Variants in CYBRD1 observed in about 807,000 individuals in gnomAD.
CYBRD1 encodes plasma membrane ascorbate-dependent reductase CYBRD1.
In CYBRD1, 14 loss-of-function variants were observed where a neutral mutation model predicts 21.9. That is an observed-to-expected ratio of 0.64 (90% confidence interval 0.42 to 1.00). The LOEUF (loss-of-function observed/expected upper bound fraction) is 1.00. CYBRD1 is among the 50% of genes least tolerant of loss of function. The probability of loss-of-function intolerance (pLI) is 0.00; values close to 1 mark genes in which losing one functional copy is unlikely to be tolerated. For synonymous variants in CYBRD1, 146 were observed against 136.5 expected (o/e 1.07, Z -0.48); for missense variants, 328 against 352.5 (o/e 0.93, Z 0.56).
At position 171,522,648 on chromosome 2, in the gene CYBRD1, C is replaced by A; in HGVS notation, c.103C>A (p.Arg35=). The A allele has an allele frequency of 6.2e-7, 1 of 1,613,488 alleles. No individual in the cohort carries two copies. The highest frequency in any genetic ancestry group is 8.5e-7 in the Non-Finnish European group (1 of 1,179,904). The stretch of plus-strand genomic sequence containing the variant: ...CGCCCTCGTCTGGGTCCTCCACTAC[C>A]GAGAGGGGCTTGGCTGGGATGGGAG... ...IFALVWVLHY[R]EGLGWDGSAL... The change falls in exon 1 of 4, where the codon CGA becomes AGA. Residue 35 remains arginine, a synonymous_variant. Coordinates refer to ENST00000321348, the MANE Select transcript of CYBRD1 (RefSeq NM_024843.4). The surrounding 1 kb of genome is among the most constrained non-coding windows in gnomAD (Gnocchi z 4.3).
intron 1 of CYBRD1, among the ~76,000 whole-genome samples, chr2:171,530,369 G>T (rs1272480382): frequency 1.3e-5 from 2 of 152,218 alleles, no homozygotes; most frequent in Non-Finnish European, 2.9e-5. Flanking sequence ...GGTATTTACA[G>T]ATTTTTCATT....
At chr2:171,526,267 GAA>G (rs201655626) in intron 1 of CYBRD1, among the ~76,000 whole-genome samples, 1 of 150,114 alleles carries the variant, frequency 6.7e-6, no homozygotes, top group Non-Finnish European at 1.5e-5. Flanking sequence ...ATTCTGTCTC[GAA>G]AAAAAAAGAG....
chr2:171,531,727 G>A (rs575573091), intron 1 of CYBRD1, among the ~76,000 whole-genome samples: 89 of 152,282 alleles, frequency 5.8e-4, no homozygotes, highest in African/African-American at 2.0e-3. Context: ...GAGACCAAAT[G>A]TCTGGCCAGG....
chr2:171,541,481 GA>G, intron 1 of CYBRD1, 103 bp from the exon 2 acceptor site: 19 of 1,152,458 alleles, frequency 1.6e-5, no homozygotes, highest in Non-Finnish European at 2.0e-5. Context: ...AAAGCCAAGG[GA>G]AAAAGGTTTC....
intron 2 of CYBRD1, among the ~76,000 whole-genome samples, chr2:171,547,449 T>G (rs77551179): frequency 6.7e-6 from 1 of 150,302 alleles, no homozygotes; most frequent in Non-Finnish European, 1.5e-5. Context: ...TTTTTTTTTT[T>G]TTGTCTACTT....
intron 2 of CYBRD1, among the ~76,000 whole-genome samples, chr2:171,544,880 C>T (rs1697686569): frequency 6.6e-6 from 1 of 152,064 alleles, no homozygotes; most frequent in South Asian, 2.1e-4. Flanking sequence ...GGCTCATACC[C>T]ATAATTCCAG....
rs1035308162 is a variant in CYBRD1 at position 171,555,255 on chromosome 2, C to T, written c.*428C>T. 4.2e-6 allele frequency: 1 copy of T among 238,234 alleles called. No homozygotes were observed. Among genetic ancestry groups the T allele is most frequent in the Non-Finnish European group, 8.2e-6 (1 of 121,350 alleles). 14.8% of individuals were successfully genotyped at this position (238,234 alleles called of 1,614,324 possible). On this transcript the variant is annotated 3_prime_UTR_variant, in exon 4 of 4. Coordinates refer to ENST00000321348, the MANE Select transcript of CYBRD1 (RefSeq NM_024843.4). ...GAAGCAGTCCTAAAAGTTTAAAATC[C>T]GATAAGGAATATCTGGGACAGGGTT...
At chr2:171,550,199 G>A (rs1229433704) in intron 2 of CYBRD1, among the ~76,000 whole-genome samples, 14 of 152,086 alleles carry the variant, frequency 9.2e-5, no homozygotes, top group Non-Finnish European at 1.3e-4. Flanking sequence ...TCCGCCATCC[G>A]GGTTCAAGCA....
chr2:171,549,754 A>G (rs953056143), intron 2 of CYBRD1, among the ~76,000 whole-genome samples: 1 of 152,170 alleles, frequency 6.6e-6, no homozygotes, highest in African/African-American at 2.4e-5. Context: ...ACTTTTTATG[A>G]AAGTTTATTT....
chr2:171,530,756 C>G (rs753486588), intron 1 of CYBRD1, among the ~76,000 whole-genome samples: 9 of 152,178 alleles, frequency 5.9e-5, no homozygotes, highest in Non-Finnish European at 1.2e-4. Flanking sequence ...TCAAACAAAA[C>G]AACATCTTTG....
intron 1 of CYBRD1, among the ~76,000 whole-genome samples, chr2:171,528,163 G>T (rs953004061): frequency 6.6e-6 from 1 of 152,002 alleles, no homozygotes; most frequent in South Asian, 2.1e-4. Flanking sequence ...TGAGCTCACC[G>T]CAAACTCTGC....
At chr2:171,551,293 C>T (rs890893753) in intron 2 of CYBRD1, among the ~76,000 whole-genome samples, 2 of 152,076 alleles carry the variant, frequency 1.3e-5, no homozygotes, top group Non-Finnish European at 1.5e-5. Context: ...AGGAAGCTTG[C>T]CCTTTGATAC....
intron 1 of CYBRD1, among the ~76,000 whole-genome samples, chr2:171,527,953 A>T (rs1559313201): frequency 6.6e-6 from 1 of 151,974 alleles, no homozygotes; most frequent in African/African-American, 2.4e-5. Context: ...GCTCCACCAA[A>T]ATTGTGCTTA....
At chr2:171,534,103 C>T (rs982335377) in intron 1 of CYBRD1, among the ~76,000 whole-genome samples, 7 of 152,182 alleles carry the variant, frequency 4.6e-5, no homozygotes, top group African/African-American at 9.7e-5. Flanking sequence ...TTCCTCCCTC[C>T]CTTTCTTTCT....
At chr2:171,547,389 G>A (rs1164930010) in intron 2 of CYBRD1, among the ~76,000 whole-genome samples, 1 of 151,846 alleles carries the variant, frequency 6.6e-6, no homozygotes, top group Non-Finnish European at 1.5e-5. Context: ...GACAGAGAGG[G>A]TGACAATTGG....
intron 1 of CYBRD1, among the ~76,000 whole-genome samples, chr2:171,532,603 C>A (rs1697484365): frequency 6.6e-6 from 1 of 151,226 alleles, no homozygotes; most frequent in African/African-American, 2.4e-5. Context: ...AGCTGGAGAC[C>A]AGCCTGAACA....
At chr2:171,528,060 C>T (rs1045630144) in intron 1 of CYBRD1, among the ~76,000 whole-genome samples, 4 of 151,852 alleles carry the variant, frequency 2.6e-5, no homozygotes, top group African/African-American at 9.7e-5. Flanking sequence ...ATAATTGACC[C>T]CTCACTCCTC....
chr2:171,523,105 G>A (rs1029600609), intron 1 of CYBRD1: 11 of 330,378 alleles, frequency 3.3e-5, no homozygotes, highest in Non-Finnish European at 5.9e-5. Context: ...GCGCGATGCC[G>A]GAGCGCCGCG....
chr2:171,532,878 T>C lies in CYBRD1; in HGVS notation c.194-8707T>C, dbSNP rs1697489628. Reference sequence around the variant, plus strand: ...AGCTTGATTTAACCATTTCACGATGTGTGTGTGTGTGTGTGTGTGTGTGTG... The same window carrying C: ...AGCTTGATTTAACCATTTCACGATGCGTGTGTGTGTGTGTGTGTGTGTGTG... On this transcript the variant is annotated intron_variant, in intron 1 of 3. Coordinates refer to ENST00000321348, the MANE Select transcript of CYBRD1 (RefSeq NM_024843.4). 8.7e-5 allele frequency among the ~76,000 whole-genome samples: 4 copies of C among 45,782 alleles called. No homozygotes were observed. In the South Asian group the frequency reaches 2.3e-3, roughly 26 times the overall value. The allele number at this position is 45,782 out of a possible 152,430, so 30.0% of individuals were successfully genotyped here.
Sources: allele counts gnomAD v4.1 joint callset (sites outside exome capture counted in the v4.1 genomes callset), GRCh38; gene constraint gnomAD v4.1.1; non-coding constraint Gnocchi (gnomAD v3.1); transcripts MANE v1.5; gene names NCBI Gene and HGNC (gene_info 2026-07-23, HGNC 2026-07-21).